ZNF609: variants seen among roughly 807,000 people sequenced by gnomAD.
The protein encoded by ZNF609 is zinc finger protein 609.
ZNF609 carries 11 observed loss-of-function variants against 109.5 expected under a neutral mutation model. The observed-to-expected ratio is 0.10, with a 90% confidence interval of 0.06 to 0.17. The LOEUF (loss-of-function observed/expected upper bound fraction) is 0.17. ZNF609 is among the 10% of genes least tolerant of loss of function. The pLI, the probability that ZNF609 is intolerant of heterozygous loss-of-function variation, is 1.00. For synonymous variants in ZNF609, 646 were observed against 662.0 expected (o/e 0.98, Z 0.37); for missense variants, 1,559 against 1,772.4 (o/e 0.88, Z 2.16).
intron 2 of ZNF609, among the ~76,000 whole-genome samples, chr15:64,562,752 AT>A (rs1894700456): frequency 1.3e-5 from 2 of 151,848 alleles, no homozygotes; most frequent in South Asian, 4.2e-4. Context: ...AAAAAAAAAA[AT>A]TAACTCATAC....
At chr15:64,472,854 A>T in intron 1 of ZNF609, among the ~76,000 whole-genome samples, 1 of 151,960 alleles carries the variant, frequency 6.6e-6, no homozygotes, top group African/African-American at 2.4e-5. Context: ...CAAAAATAAT[A>T]AAAAAAATAA....
intron 2 of ZNF609, among the ~76,000 whole-genome samples, chr15:64,516,511 T>A (rs1893812924): frequency 6.6e-6 from 1 of 152,124 alleles, no homozygotes; most frequent in African/African-American, 2.4e-5. Flanking sequence ...GTAGTTGGGA[T>A]GACAGGCATG....
chr15:64,535,276 C>T lies in ZNF609; in HGVS notation c.747+35110C>T, dbSNP rs1407894385. ...TGTTGCCCGGGCTGGTCTGGAACTC[C>T]TGGCCTCAAATGATTATCCTGCCTC... On this transcript the variant is annotated intron_variant, in intron 2 of 9. Coordinates refer to ENST00000326648, the MANE Select transcript of ZNF609 (RefSeq NM_015042.2). Among the ~76,000 whole-genome samples the T allele has an allele frequency of 5.3e-5, 8 of 152,150 alleles. No homozygotes were observed. The South Asian group carries it at 1.7e-3, about 32-fold the overall frequency.
chr15:64,523,966 T>A (rs1030925129), intron 2 of ZNF609, among the ~76,000 whole-genome samples: 1 of 151,660 alleles, frequency 6.6e-6, no homozygotes, highest in Non-Finnish European at 1.5e-5. Flanking sequence ...TAACAACTGA[T>A]AACTGGAAAA....
chr15:64,522,903 C>G (rs1366314296), intron 2 of ZNF609, among the ~76,000 whole-genome samples: 2 of 151,412 alleles, frequency 1.3e-5, no homozygotes, highest in Non-Finnish European at 2.9e-5. Flanking sequence ...CTATGTTGAC[C>G]AGTCTAGACC....
chr15:64,475,742 C>CA (rs780751888), intron 1 of ZNF609, among the ~76,000 whole-genome samples: 20 of 152,140 alleles, frequency 1.3e-4, no homozygotes, highest in Non-Finnish European at 2.5e-4. Flanking sequence ...CTTCATCCCT[C>CA]ATTTTAAGCT....
chr15:64,527,359 T>A (rs1893982298), intron 2 of ZNF609, among the ~76,000 whole-genome samples: 1 of 151,390 alleles, frequency 6.6e-6, no homozygotes, highest in Non-Finnish European at 1.5e-5. Context: ...ATATTTGATT[T>A]GTGGGGACAT....
intron 2 of ZNF609, among the ~76,000 whole-genome samples, chr15:64,562,872 A>AGT (rs6145601): frequency 6.2e-4 from 93 of 149,080 alleles, no homozygotes; most frequent in African/African-American, 2.2e-3. Context: ...GGTAAGCGTG[A>AGT]GTGTGTGTGT....
chr15:64,670,412 G>A lies in ZNF609; in HGVS notation c.1040G>A (p.Arg347Gln), dbSNP rs200416780. 12 of 1,614,108 alleles carry A rather than the reference G, an allele frequency of 7.4e-6. No individual in the cohort carries two copies. The East Asian group carries it at 1.3e-4, about 18-fold the overall frequency. ...GTAGGTACACTCCTTGACTGCACAC[G>A]ACATGATTGGGCACCCCCAAGGTAA... is the stretch of plus-strand genomic sequence containing the variant. ...TYVGTLLDCT[R>Q]HDWAPPRFCD... The change falls in exon 4 of 10, where the codon CGA becomes CAA. Residue 347 changes from arginine (R) to glutamine (Q), a missense_variant. This residue lies in a region of ZNF609 where 38 missense variants were observed against 82.1 expected (regional missense o/e 0.46). Transcript: ENST00000326648.
In ZNF609 at chr15:64,675,054, A is replaced by G. The variant is rs780964414; in HGVS notation, c.2200A>G (p.Lys734Glu). The G allele has an allele frequency of 9.3e-6, 15 of 1,614,064 alleles. No individual in the cohort carries two copies. In the East Asian group the frequency reaches 2.2e-4, roughly 24 times the overall value. The change falls in exon 5 of 10, where the codon AAG (lysine) becomes GAG (glutamate). Residue 734 changes from lysine to glutamate, a missense_variant. Lys to Glu is a moderately conservative substitution (Grantham distance 56). Around this residue, in one of 4 missense-constraint regions of ZNF609, gnomAD observed 1,204 missense variants for 1,314.1 expected, o/e 0.92. Transcript: ENST00000326648. ...AKDKKKKDKK[K>E]KESSKELESP... Reference sequence around the variant, plus strand: ...GGACAAGAAAAAGAAAGACAAAAAAAAGAAGGAATCTTCAAAGGAACTTGA... The same window carrying G: ...GGACAAGAAAAAGAAAGACAAAAAAGAGAAGGAATCTTCAAAGGAACTTGA...
chr15:64,529,108 T>C, intron 2 of ZNF609: 1 of 823,522 alleles, frequency 1.2e-6, no homozygotes, highest in Non-Finnish European at 2.1e-6. Context: ...GGAGGGGCCA[T>C]TTATAGTCTG....
intron 1 of ZNF609, among the ~76,000 whole-genome samples, chr15:64,487,456 G>C (rs1265969551): frequency 6.6e-6 from 1 of 152,070 alleles, no homozygotes; most frequent in Non-Finnish European, 1.5e-5. Context: ...TTTTCCATGT[G>C]TATACAGATA....
chr15:64,635,322 T>C (rs1388726629), intron 3 of ZNF609, among the ~76,000 whole-genome samples: 1 of 152,232 alleles, frequency 6.6e-6, no homozygotes. Context: ...AGGCAATAAA[T>C]ATCTTACTGG....
intron 1 of ZNF609, among the ~76,000 whole-genome samples, chr15:64,463,677 G>A (rs1892974552): frequency 6.6e-6 from 1 of 152,164 alleles, no homozygotes; most frequent in Non-Finnish European, 1.5e-5. Flanking sequence ...ATGATGGCCT[G>A]CCACTGAGGT....
At chr15:64,521,713 G>T (rs1893893503) in intron 2 of ZNF609, among the ~76,000 whole-genome samples, 2 of 152,150 alleles carry the variant, frequency 1.3e-5, no homozygotes, top group African/African-American at 2.4e-5. Flanking sequence ...ATCATTGCCA[G>T]TGTGGTTTTT....
At chr15:64,516,572 T>G (rs149902473) in intron 2 of ZNF609, among the ~76,000 whole-genome samples, 1 of 152,088 alleles carries the variant, frequency 6.6e-6, no homozygotes. Context: ...GAGATGGGGT[T>G]TCACCATGTC....
At chr15:64,611,015 G>C (rs1895708403) in intron 2 of ZNF609, among the ~76,000 whole-genome samples, 1 of 152,024 alleles carries the variant, frequency 6.6e-6, no homozygotes, top group Non-Finnish European at 1.5e-5. Flanking sequence ...CATTTTGTTT[G>C]CTTACTTGTT....
intron 2 of ZNF609, among the ~76,000 whole-genome samples, chr15:64,519,500 T>C (rs2140363382): frequency 6.6e-6 from 1 of 152,292 alleles, no homozygotes; most frequent in East Asian, 1.9e-4. Context: ...TGGGAACATA[T>C]GTCTATACAA....
intron 2 of ZNF609, among the ~76,000 whole-genome samples, chr15:64,537,101 T>TA (rs1894162309): frequency 6.6e-6 from 1 of 150,850 alleles, no homozygotes; most frequent in African/African-American, 2.4e-5. Context: ...TGGGCAGTTG[T>TA]AATCCCAGCT....
Sources: allele counts gnomAD v4.1 joint callset (sites outside exome capture counted in the v4.1 genomes callset), GRCh38; gene constraint gnomAD v4.1.1; regional missense constraint gnomAD v4.1.1; transcripts MANE v1.5; gene names NCBI Gene and HGNC (gene_info 2026-07-23, HGNC 2026-07-21).